Variants in CNTNAP2 observed in about 807,000 individuals in gnomAD.
CNTNAP2 encodes contactin-associated protein-like 2.
CNTNAP2 carries 98 observed loss-of-function variants against 155.2 expected under a neutral mutation model. That is an observed-to-expected ratio of 0.63 (90% CI 0.54 to 0.75). The LOEUF (loss-of-function observed/expected upper bound fraction) is 0.75. Ranked by LOEUF, CNTNAP2 falls within the 30% of genes least tolerant of loss-of-function variation. The pLI, the probability that CNTNAP2 is intolerant of heterozygous loss-of-function variation, is 0.00. For missense variants in CNTNAP2, 1,727 were observed against 1,688.1 expected (o/e 1.02, Z -0.40); for synonymous variants, 651 against 631.2 (o/e 1.03, Z -0.47).
intron 18 of CNTNAP2, among the ~76,000 whole-genome samples, chr7:148,186,246 A>G (rs1400223595): frequency 6.6e-6 from 1 of 152,248 alleles, no homozygotes; most frequent in Admixed American, 6.5e-5. Flanking sequence ...CAGGCACTGA[A>G]CTAAGTGTGT....
chr7:146,799,973 GTATGAAAA>G (rs77026572), intron 2 of CNTNAP2, among the ~76,000 whole-genome samples: 60,143 of 151,320 alleles, frequency 0.4, 15,293 homozygotes, highest in African/African-American at 0.73. Context: ...AATAAAAAAA[GTATGAAAA>G]TATGAAAATA....
At chr7:146,617,433 G>T (rs906284020) in intron 1 of CNTNAP2, among the ~76,000 whole-genome samples, 15 of 152,176 alleles carry the variant, frequency 9.9e-5, no homozygotes, top group Non-Finnish European at 1.6e-4. Flanking sequence ...TTTAAGAAAT[G>T]CTGAATTGTA....
intron 21 of CNTNAP2, among the ~76,000 whole-genome samples, chr7:148,379,902 T>C (rs1463292032): frequency 6.6e-6 from 1 of 152,172 alleles, no homozygotes; most frequent in Non-Finnish European, 1.5e-5. Context: ...GCCTCTCACT[T>C]GGCATTCAGT....
intron 1 of CNTNAP2, among the ~76,000 whole-genome samples, chr7:146,237,077 A>G (rs1172385716): frequency 6.6e-6 from 1 of 152,212 alleles, no homozygotes; most frequent in Non-Finnish European, 1.5e-5. Context: ...CAAGACAGAG[A>G]AAGACAATTT....
At chr7:148,036,708 A>G (rs979713693) in intron 15 of CNTNAP2, among the ~76,000 whole-genome samples, 4 of 152,098 alleles carry the variant, frequency 2.6e-5, no homozygotes, top group African/African-American at 9.7e-5. Flanking sequence ...CAGTTATGTT[A>G]TTTACCCATA....
chr7:146,838,846 T>C (rs1803666585), intron 2 of CNTNAP2, among the ~76,000 whole-genome samples: 1 of 152,176 alleles, frequency 6.6e-6, no homozygotes, highest in Admixed American at 6.5e-5. Context: ...ATCTATTGAA[T>C]ATTTTTATAT....
chr7:148,254,543 G>A lies in CNTNAP2; in HGVS notation c.3382-12490G>A, dbSNP rs180720882. ...TATAATCCCAGCACTTTGGGAGGCC[G>A]AGGTGGGCAAATCACGAGGTCAGGA... On this transcript the variant is annotated intron_variant, in intron 20 of 23. Coordinates refer to ENST00000361727, the MANE Select transcript of CNTNAP2 (RefSeq NM_014141.6). Among the ~76,000 whole-genome samples, 587 of 152,164 alleles carry A rather than the reference G, an allele frequency of 3.9e-3. 5 individuals carry two copies. Among genetic ancestry groups the A allele is most frequent in the African/African-American group, 0.013 (549 of 41,516 alleles).
intron 8 of CNTNAP2, among the ~76,000 whole-genome samples, chr7:147,162,765 CATAA>C (rs1802050549): frequency 6.6e-6 from 1 of 152,078 alleles, no homozygotes; most frequent in Non-Finnish European, 1.5e-5. Flanking sequence ...ACTAAGTAAG[CATAA>C]AAACATGTCT....
At chr7:147,111,633 C>T (rs2129280427) in intron 5 of CNTNAP2, among the ~76,000 whole-genome samples, 1 of 152,264 alleles carries the variant, frequency 6.6e-6, no homozygotes, top group East Asian at 1.9e-4. Context: ...GAATCCTTTT[C>T]CCATTGCTTG....
chr7:146,757,863 A>C (rs947899728), intron 1 of CNTNAP2, among the ~76,000 whole-genome samples: 4 of 152,118 alleles, frequency 2.6e-5, no homozygotes, highest in Non-Finnish European at 5.9e-5. Flanking sequence ...CTTGGTGGCT[A>C]TATGAACTTC....
At chr7:146,671,429 T>TCACACACACACACACACACA (rs147594471) in intron 1 of CNTNAP2, among the ~76,000 whole-genome samples, 19 of 148,300 alleles carry the variant, frequency 1.3e-4, no homozygotes, top group Non-Finnish European at 2.1e-4. Context: ...TTTTTGTCAC[T>TCACACACACACACACACACA]CACACACACA....
intron 18 of CNTNAP2, among the ~76,000 whole-genome samples, chr7:148,174,649 A>G (rs1434953403): frequency 6.6e-6 from 1 of 152,238 alleles, no homozygotes; most frequent in East Asian, 1.9e-4. Context: ...TAAAACATGC[A>G]TACACGCAGA....
intron 14 of CNTNAP2, among the ~76,000 whole-genome samples, chr7:147,944,511 C>G (rs1403532668): frequency 6.6e-6 from 1 of 152,160 alleles, no homozygotes; most frequent in Non-Finnish European, 1.5e-5. Flanking sequence ...AAAATCCTAA[C>G]TGAAAAGAAA....
At chr7:147,914,858 T>C (rs1800132326) in intron 14 of CNTNAP2, among the ~76,000 whole-genome samples, 1 of 152,180 alleles carries the variant, frequency 6.6e-6, no homozygotes, top group South Asian at 2.1e-4. Flanking sequence ...AGCCTGGCAT[T>C]TCTCTAATGT....
rs143709077 is a variant in CNTNAP2 at position 146,153,186 on chromosome 7, A to G, written c.97+36213A>G. Among the ~76,000 whole-genome samples the G allele has an allele frequency of 4.3e-3, 650 of 152,260 alleles. 3 individuals are homozygous for G. Among genetic ancestry groups the G allele is most frequent in the African/African-American group, 0.015 (614 of 41,556 alleles). On this transcript the variant is annotated intron_variant, in intron 1 of 23. Transcript: ENST00000361727. Reference sequence around the variant, plus strand: ...GCTTCATGGAAAATTGAACATAGTAATTAAAAATGACAAAATTTTAAAAAT... The same window carrying G: ...GCTTCATGGAAAATTGAACATAGTAGTTAAAAATGACAAAATTTTAAAAAT...
At position 147,884,746 on chromosome 7, in the gene CNTNAP2, G is replaced by A. The variant is rs144987388; in HGVS notation, c.2099-18819G>A. On this transcript the variant is annotated intron_variant, in intron 13 of 23. Coordinates refer to ENST00000361727, the MANE Select transcript of CNTNAP2 (RefSeq NM_014141.6). ...ACTTATTATTGTTATTGAATTTTCC[G>A]TCATCTTACTGCTCTTCTGTGAGAT... is the stretch of plus-strand genomic sequence containing the variant. Among the ~76,000 whole-genome samples, 362 of 152,230 alleles carry A rather than the reference G, an allele frequency of 2.4e-3. 1 individual carries two copies. Among genetic ancestry groups the A allele is most frequent in the African/African-American group, 7.7e-3 (318 of 41,538 alleles).
At chr7:147,083,327 A>T (rs1800178678) in intron 4 of CNTNAP2, 1 of 151,996 alleles carries the variant, frequency 6.6e-6, no homozygotes, top group Non-Finnish European at 1.5e-5. Context: ...AGCCTTCAAA[A>T]GTATTAATGA....
rs534242905 is a variant in CNTNAP2, at chr7:146,772,559, C to A, written c.98-1712C>A. ...TGGCACACGCCTGTAATCCCAGCTA[C>A]TCAGGAGGCTGAGGCAGGTGAATCG... On this transcript the variant is annotated intron_variant, in intron 1 of 23. Transcript: ENST00000361727. Among the ~76,000 whole-genome samples the A allele has an allele frequency of 6.6e-5, 10 of 151,532 alleles. No individual in the cohort carries two copies. The South Asian group carries it at 2.1e-3, about 32-fold the overall frequency.
At chr7:146,459,235 T>C (rs1350981824) in intron 1 of CNTNAP2, among the ~76,000 whole-genome samples, 1 of 152,170 alleles carries the variant, frequency 6.6e-6, no homozygotes, top group African/African-American at 2.4e-5. Flanking sequence ...GGATGCTGAC[T>C]CCTTCCATGG....
Sources: gnomAD v4.1 joint callset for allele counts (sites outside exome capture counted in the v4.1 genomes callset) on GRCh38, gnomAD v4.1.1 for gene constraint, MANE v1.5 for transcripts, NCBI Gene and HGNC (gene_info 2026-07-23, HGNC 2026-07-21) for gene names.